Variants in ASS1 observed in about 807,000 individuals in gnomAD.
ASS1 encodes argininosuccinate synthase.
ASS1 carries 58 observed loss-of-function variants against 60.5 expected under a neutral mutation model. The ratio of observed to expected loss-of-function variants is 0.96; its 90% CI spans 0.78 to 1.19. ASS1 has a LOEUF of 1.19. Ranked by LOEUF, ASS1 falls within the 50% of genes most tolerant of loss-of-function variation. The pLI, the probability that ASS1 is intolerant of heterozygous loss-of-function variation, is 0.00. For missense variants in ASS1, 454 were observed against 547.3 expected (o/e 0.83, Z 1.70); for synonymous variants, 200 against 206.9 (o/e 0.97, Z 0.29).
chr9:130,464,983 T>A (rs1173338065), intron 5 of ASS1, among the ~76,000 whole-genome samples: 1 of 148,314 alleles, frequency 6.7e-6, no homozygotes, highest in Non-Finnish European at 1.5e-5. Context: ...GCCATATATA[T>A]AATATATAAA....
chr9:130,475,020 G>A (rs572700789), intron 8 of ASS1, among the ~76,000 whole-genome samples: 5 of 152,352 alleles, frequency 3.3e-5, no homozygotes, highest in Admixed American at 2.6e-4. Context: ...GGAGGTGGGG[G>A]TGGAGGATCC....
At chr9:130,500,740 C>T (rs929084246) in intron 14 of ASS1, among the ~76,000 whole-genome samples, 35 of 152,128 alleles carry the variant, frequency 2.3e-4, no homozygotes, top group African/African-American at 7.7e-4. Context: ...GCCAGTTAAA[C>T]GCTTTGTCTT....
intron 13 of ASS1, among the ~76,000 whole-genome samples, chr9:130,498,082 C>T (rs750097480): frequency 1.6e-4 from 24 of 152,244 alleles, no homozygotes; most frequent in Non-Finnish European, 3.2e-4. Flanking sequence ...ACGCACCCAC[C>T]GGCTTCAAGG....
Position 130,474,517 on chromosome 9 carries a change from C to T in ASS1, c.598-2354C>T, listed in dbSNP as rs146792415. Among the ~76,000 whole-genome samples the T allele has an allele frequency of 7.1e-3, 1,074 of 152,288 alleles. 9 individuals are homozygous for T. Among genetic ancestry groups the T allele is most frequent in the Middle Eastern group, 0.024 (7 of 294 alleles). The stretch of plus-strand genomic sequence containing the variant: ...TTGGGTGGGAGTGGGGCCCTCGTAC[C>T]GGCACCCTGGTTGGAGGCTTGGGGG... On this transcript the variant is annotated intron_variant, in intron 8 of 14. Transcript: ENST00000352480.
chr9:130,492,774 C>T (rs927564873), intron 12 of ASS1, among the ~76,000 whole-genome samples: 8 of 152,204 alleles, frequency 5.3e-5, no homozygotes, highest in South Asian at 2.1e-4. Flanking sequence ...CCTAGCAGCA[C>T]GGGGGAGGGG....
Position 130,497,652 on chromosome 9 carries a change from A to AG in ASS1, c.1128-1849dup, listed in dbSNP as rs976219424. Among the ~76,000 whole-genome samples the AG allele has an allele frequency of 7.8e-4, 119 of 152,280 alleles. 1 individual carries two copies. The highest frequency in any genetic ancestry group is 2.8e-3 in the African/African-American group (115 of 41,542). The stretch of plus-strand genomic sequence containing the variant: ...GTCCCTGGATGTGGGCCCTCTTTGC[A>AG]GGGGCTGCCAGGGCAGCTGGGAAGT... On this transcript the variant is annotated intron_variant, in intron 13 of 14. Coordinates refer to ENST00000352480, the MANE Select transcript of ASS1 (RefSeq NM_054012.4).
intron 8 of ASS1, among the ~76,000 whole-genome samples, chr9:130,475,338 T>C (rs1236556329): frequency 3.9e-5 from 6 of 152,202 alleles, no homozygotes; most frequent in African/African-American, 7.2e-5. Context: ...TGTGTTTTCA[T>C]GTCCAATTAA....
chr9:130,450,182 A>G (rs1243796819), intron 1 of ASS1: 3 of 814,790 alleles, frequency 3.7e-6, no homozygotes, highest in Non-Finnish European at 3.0e-6. Flanking sequence ...GAGGCTGCTC[A>G]CAGGAGATTG....
intron 4 of ASS1, among the ~76,000 whole-genome samples, chr9:130,461,327 C>G (rs1362786561): frequency 1.3e-5 from 2 of 152,210 alleles, no homozygotes; most frequent in Non-Finnish European, 2.9e-5. Flanking sequence ...CGTGTGCGCC[C>G]CTCCTCCATG....
At chr9:130,497,822 G>A (rs534191822) in intron 13 of ASS1, among the ~76,000 whole-genome samples, 8 of 152,304 alleles carry the variant, frequency 5.3e-5, no homozygotes, top group Middle Eastern at 3.4e-3. Context: ...GCTGAGGCTC[G>A]GTTTCTAAAA....
chr9:130,448,660 T>C (rs1360335492), intron 1 of ASS1, among the ~76,000 whole-genome samples: 1 of 152,060 alleles, frequency 6.6e-6, no homozygotes, highest in African/African-American at 2.4e-5. Context: ...ACCTCCCAGG[T>C]TCAAGCGATT....
At chr9:130,444,757 T>C (rs1845155162), upstream of ASS1, among the ~76,000 whole-genome samples, 5 of 151,160 alleles carry the variant, frequency 3.3e-5, no homozygotes, top group Admixed American at 3.3e-4. The surrounding 1 kb of genome is among the most constrained non-coding windows in gnomAD (Gnocchi z 4.7). Flanking sequence ...GGCCCGGACC[T>C]GGTGGGAGGC....
Position 130,446,283 on chromosome 9 carries a change from G to C in ASS1, c.-6+1288G>C, listed in dbSNP as rs1204673284. ...GCCTGGGTCCAATTGCACAATAACT[G>C]TGCCTGGGGTTAGGTTCTGATGAGA... On this transcript the variant is annotated intron_variant, in intron 1 of 14. Coordinates refer to ENST00000352480, the MANE Select transcript of ASS1 (RefSeq NM_054012.4). Among the ~76,000 whole-genome samples the C allele has an allele frequency of 2.6e-5, 4 of 152,242 alleles. No individual in the cohort carries two copies. In the South Asian group the frequency reaches 8.3e-4, roughly 32 times the overall value.
intron 8 of ASS1, among the ~76,000 whole-genome samples, chr9:130,474,954 C>G (rs935296108): frequency 6.6e-6 from 1 of 152,208 alleles, no homozygotes; most frequent in African/African-American, 2.4e-5. Context: ...TTGTTCCTGC[C>G]CCACAAATGG....
chr9:130,458,355 C>A, intron 3 of ASS1, 46 bp from the exon 4 acceptor site: 1 of 1,610,890 alleles, frequency 6.2e-7, no homozygotes, highest in Non-Finnish European at 8.5e-7. Flanking sequence ...TGCCAGATGG[C>A]CCCTGTCCTT....
intron 8 of ASS1, among the ~76,000 whole-genome samples, chr9:130,474,932 G>A (rs504752): frequency 0.92 from 140,580 of 152,274 alleles, 65,913 homozygotes; most frequent in East Asian, 1. Flanking sequence ...CTTCAGGGAA[G>A]GTTCTGGGTT....
intron 3 of ASS1, among the ~76,000 whole-genome samples, chr9:130,456,818 C>T (rs1358615591): frequency 6.6e-6 from 1 of 151,744 alleles, no homozygotes; most frequent in Non-Finnish European, 1.5e-5. Context: ...CCCAGCCACT[C>T]GGGAGGCTGA....
chr9:130,475,833 T>C (rs1846002083), intron 8 of ASS1, among the ~76,000 whole-genome samples: 1 of 148,908 alleles, frequency 6.7e-6, no homozygotes, highest in Non-Finnish European at 1.5e-5. Flanking sequence ...CTCGGCTCAC[T>C]GCAACCTCCG....
intron 3 of ASS1, among the ~76,000 whole-genome samples, chr9:130,457,178 A>C (rs1370112897): frequency 6.6e-6 from 1 of 152,210 alleles, no homozygotes; most frequent in East Asian, 1.9e-4. Flanking sequence ...GGTTTTCTGC[A>C]TTCACTTGTT....
Sources: gnomAD v4.1 joint callset for allele counts (sites outside exome capture counted in the v4.1 genomes callset) on GRCh38, gnomAD v4.1.1 for gene constraint, Gnocchi (gnomAD v3.1) non-coding constraint, MANE v1.5 for transcripts, NCBI Gene and HGNC (gene_info 2026-07-23, HGNC 2026-07-21) for gene names.